The following RABL2B variants were observed in gnomAD, a reference collection of about 807,000 sequenced individuals.
RABL2B encodes the protein RAB, member of RAS oncogene family like 2B.
In RABL2B, 17 loss-of-function variants were observed where a neutral mutation model predicts 26.7. The observed-to-expected ratio is 0.64, with a 90% CI of 0.44 to 0.95. The LOEUF is 0.95. Among genes scored for constraint, RABL2B ranks in the 40% least tolerant of loss-of-function variants. The pLI, the probability that RABL2B is intolerant of heterozygous loss-of-function variation, is 0.00. For missense variants in RABL2B, 170 were observed against 277.2 expected, an observed-to-expected ratio of 0.61 and a Z score of 2.75; for synonymous variants, 70 against 103.9, an observed-to-expected ratio of 0.67 and a Z score of 1.99.
At chr22:50,774,517 T>G (rs1379216324) in intron 5 of RABL2B, among the ~76,000 whole-genome samples, 2 of 148,420 alleles carry the variant, frequency 1.3e-5, no homozygotes, top group East Asian at 1.9e-4. Flanking sequence ...TGTGTGTGTG[T>G]GGGGAGATGC....
chr22:50,783,192 C>T (rs1404075017), intron 1 of RABL2B: 4 of 169,400 alleles, frequency 2.4e-5, no homozygotes, highest in Admixed American at 6.3e-5. Context: ...CCTCCAACTC[C>T]TGGACTCAAG....
Position 50,783,546 on chromosome 22 carries a change from C to G in RABL2B, c.-99G>C, listed in dbSNP as rs1555932451. 4 of 152,264 alleles carry G rather than the reference C, an allele frequency of 2.6e-5. No homozygotes were observed. Among genetic ancestry groups the G allele is most frequent in the African/African-American group, 9.6e-5 (4 of 41,476 alleles). 9.4% of individuals were successfully genotyped at this position (152,264 alleles called of 1,614,324 possible). ...TGGAGAGACCAGGGACGCTGCGGGTCGGCCCCTCGGGCCCTGCCGCCAGTC... is the reference window on the plus strand; with the variant it reads ...TGGAGAGACCAGGGACGCTGCGGGTGGGCCCCTCGGGCCCTGCCGCCAGTC... On this transcript the variant is annotated 5_prime_UTR_variant, in exon 1 of 9. Transcript: ENST00000691320.
rs1419871398 is a variant in RABL2B at position 50,769,450 on chromosome 22, C to T, written c.507+5G>A. ...CTTGCTAGCTACCTCTGCAGTCAAC[C>T]ACACCTTCACAACATTGGTACCATC... is the stretch of plus-strand genomic sequence containing the variant. On this transcript the variant is annotated splice_donor_5th_base_variant and intron_variant, in intron 7 of 8. Transcript: ENST00000691320. The T allele has an allele frequency of 6.2e-7, 1 of 1,612,082 alleles. No homozygotes were observed. The highest frequency in any genetic ancestry group is 2.2e-5 in the East Asian group (1 of 44,690).
At chr22:50,772,788 G>T in intron 5 of RABL2B, 2 of 1,120,500 alleles carry the variant, frequency 1.8e-6, no homozygotes, top group Non-Finnish European at 2.2e-6. Context: ...CCTCACACCA[G>T]GCTCAGATGC....
At position 50,770,907 on chromosome 22, in the gene RABL2B, T is replaced by A. The variant is rs1555917872; in HGVS notation, c.298-891A>T. Among the ~76,000 whole-genome samples, 3 of 139,328 alleles carry A rather than the reference T, an allele frequency of 2.2e-5. No homozygotes were observed. In the South Asian group the frequency reaches 6.5e-4, roughly 30 times the overall value. 91.4% of individuals were successfully genotyped at this position (139,328 alleles called of 152,430 possible). On this transcript the variant is annotated intron_variant, in intron 5 of 8. Transcript: ENST00000691320. Reference sequence around the variant, plus strand: ...CACGCACGCATTAATTTTTATTTTTTTATTTTTTTTTTTTTGTAGAGGCAG... The same window carrying A: ...CACGCACGCATTAATTTTTATTTTTATATTTTTTTTTTTTTGTAGAGGCAG...
Position 50,774,552 on chromosome 22 carries a change from CAGCCTTGGAGTCTTCTTAGCTG to C in RABL2B, c.297+1198_297+1219del, listed in dbSNP as rs1282179797. 3.3e-3 allele frequency among the ~76,000 whole-genome samples: 493 copies of C among 149,124 alleles called. 6 individuals carry two copies. The highest frequency in any genetic ancestry group is 0.012 in the African/African-American group (474 of 39,858). On this transcript the variant is annotated intron_variant, in intron 5 of 8. Transcript: ENST00000691320. ...CCCCAGGCAGTTCCAGCCTGGAACC[CAGCCTTGGAGTCTTCTTAGCTG>C]AGACTTCAGACATGGATTCCCGATC...
intron 5 of RABL2B, chr22:50,772,378 C>T (rs2084319382): frequency 1.0e-6 from 1 of 985,576 alleles, no homozygotes; most frequent in Non-Finnish European, 1.2e-6. Flanking sequence ...CACTGCAAAC[C>T]AGCTCTTAAG....
At chr22:50,774,124 T>C (rs1415077539) in intron 5 of RABL2B, among the ~76,000 whole-genome samples, 1 of 152,176 alleles carries the variant, frequency 6.6e-6, no homozygotes. Flanking sequence ...CTCGATCTCC[T>C]AACCTCGTGA....
chr22:50,772,066 G>C (rs139119351), intron 5 of RABL2B: 2 of 151,822 alleles, frequency 1.3e-5, no homozygotes, highest in Non-Finnish European at 2.9e-5. Flanking sequence ...GTGCAGTGGC[G>C]GTATCTTGGC....
intron 6 of RABL2B, 23 bp from the exon 7 acceptor site, chr22:50,769,575 T>A (rs1205435584): frequency 1.2e-6 from 2 of 1,609,128 alleles, no homozygotes; most frequent in African/African-American, 2.8e-5. Context: ...GGTAGGACAT[T>A]GGTCTGTCTG....
intron 2 of RABL2B, among the ~76,000 whole-genome samples, chr22:50,780,887 T>G (rs1444821043): frequency 6.6e-6 from 1 of 152,200 alleles, no homozygotes; most frequent in Non-Finnish European, 1.5e-5. Context: ...AAGTGGCAAT[T>G]TGCTTTACAC....
At chr22:50,769,266 G>A (rs1299526303) in intron 7 of RABL2B, 142 bp from the exon 8 acceptor site, 5 of 673,010 alleles carry the variant, frequency 7.4e-6, no homozygotes, top group African/African-American at 5.6e-5. Flanking sequence ...CCGTCACCCT[G>A]ACCTATGTAT....
In RABL2B at chr22:50,768,335, C is replaced by T; in HGVS notation, c.*441G>A. The stretch of plus-strand genomic sequence containing the variant: ...GGGAAAGGATGGGGCCTCACAGACT[C>T]AGCTGTGGGTGGGGGGGTAAATCAT... On this transcript the variant is annotated 3_prime_UTR_variant, in exon 9 of 9. Coordinates refer to ENST00000691320, the MANE Select transcript of RABL2B (RefSeq NM_001130919.3). 8.3e-6 allele frequency: 2 copies of T among 239,532 alleles called. No individual in the cohort carries two copies. Among genetic ancestry groups the T allele is most frequent in the Non-Finnish European group, 1.6e-5 (2 of 122,674 alleles). The allele number at this position is 239,532 out of a possible 1,614,324, so 14.8% of individuals were successfully genotyped here. A position where few individuals can be genotyped will look rare whatever the true frequency, so the allele number is the denominator to read the frequency against.
Position 50,767,996 on chromosome 22 carries a change from T to A in RABL2B, c.*780A>T. The A allele has an allele frequency of 3.3e-6, 1 of 304,604 alleles. No homozygotes were observed. The highest frequency in any genetic ancestry group is 2.4e-5 in the South Asian group (1 of 40,958). 18.9% of individuals were successfully genotyped at this position (304,604 alleles called of 1,614,324 possible). A position where few individuals can be genotyped will look rare whatever the true frequency, so the allele number is the denominator to read the frequency against. On this transcript the variant is annotated 3_prime_UTR_variant, in exon 9 of 9. Transcript: ENST00000691320. ...GGGGCCGGGCGCGGTGGCTCATGCC[T>A]GTAATCCCAGCACTTTGGGAGGCCG... is the stretch of plus-strand genomic sequence containing the variant.
At chr22:50,778,043 T>C in intron 2 of RABL2B, 62 bp from the exon 3 acceptor site, 3 of 1,613,838 alleles carry the variant, frequency 1.9e-6, no homozygotes, top group Non-Finnish European at 2.5e-6. Flanking sequence ...TCCCAGACTT[T>C]TTCACCCTAA....
At chr22:50,769,614 G>C in intron 6 of RABL2B, 62 bp from the exon 7 acceptor site, 1 of 1,609,754 alleles carries the variant, frequency 6.2e-7, no homozygotes, top group East Asian at 2.2e-5. Flanking sequence ...GTTTGGAGGG[G>C]GGGGCCACTG....
At position 50,783,511 on chromosome 22, in the gene RABL2B, G is replaced by A. The variant is rs2086215263; in HGVS notation, c.-64C>T. ...CGGATTTGCCCTCACGTGCGGTTCC[G>A]AGTGAGGGCTGGAGAGACCAGGGAC... On this transcript the variant is annotated 5_prime_UTR_variant, in exon 1 of 9. Coordinates refer to ENST00000691320, the MANE Select transcript of RABL2B (RefSeq NM_001130919.3). The A allele has an allele frequency of 6.6e-6, 1 of 152,218 alleles. No homozygotes were observed. Among genetic ancestry groups the A allele is most frequent in the South Asian group, 2.1e-4 (1 of 4,834 alleles). 9.4% of individuals were successfully genotyped at this position (152,218 alleles called of 1,614,324 possible).
intron 3 of RABL2B, 29 bp downstream of exon 3, chr22:50,777,923 C>T: frequency 6.2e-7 from 1 of 1,614,156 alleles, no homozygotes; most frequent in African/African-American, 1.3e-5. Context: ...CCCACAGGAA[C>T]AAGGGGTACT....
At chr22:50,773,214 T>A in intron 5 of RABL2B, 1 of 1,276,180 alleles carries the variant, frequency 7.8e-7, no homozygotes, top group East Asian at 5.6e-5. Context: ...GTCAGACTTC[T>A]GCACTACACT....
Sources: gnomAD v4.1 joint callset for allele counts (sites outside exome capture counted in the v4.1 genomes callset) on GRCh38, gnomAD v4.1.1 for gene constraint, MANE v1.5 for transcripts, NCBI Gene and HGNC (gene_info 2026-07-23, HGNC 2026-07-21) for gene names.